The following ZNF354C variants were observed in gnomAD, a reference collection of about 807,000 sequenced individuals.
The protein encoded by ZNF354C is KRAB-zinc finger protein synten.
ZNF354C carries 7 observed loss-of-function variants against 12.4 expected under a neutral mutation model. That is an observed-to-expected ratio of 0.56 (90% CI 0.32 to 1.06). ZNF354C has a LOEUF of 1.06. Ranked by LOEUF, ZNF354C falls within the 50% of genes least tolerant of loss-of-function variation. The pLI, the probability that ZNF354C is intolerant of heterozygous loss-of-function variation, is 0.04. For missense variants in ZNF354C, 609 were observed against 658.0 expected (o/e 0.93, Z 0.81); for synonymous variants, 202 against 224.5 (o/e 0.90, Z 0.90).
rs1352728488 is a variant in ZNF354C at position 179,083,734 on chromosome 5, G to A, written c.*3637G>A. Among the ~76,000 whole-genome samples, 1 of 152,128 alleles carries A rather than the reference G, an allele frequency of 6.6e-6. No homozygotes were observed. Among genetic ancestry groups the A allele is most frequent in the Non-Finnish European group, 1.5e-5 (1 of 68,034 alleles). ...ACTAAGGCATGGAGCAGCTGTCTGG[G>A]GACCCTCAAAAGTAATGATTGATAA... On this transcript the variant is annotated 3_prime_UTR_variant, in exon 5 of 5. Transcript: ENST00000315475.
chr5:179,062,029 C>T lies in ZNF354C; in HGVS notation c.-40C>T, dbSNP rs746774068. On this transcript the variant is annotated 5_prime_UTR_variant, in exon 2 of 5. Transcript: ENST00000315475. Reference sequence around the variant, plus strand: ...TTCCTCTGCAGACCCACCGTGTCCACACTCTGCTCTCCCTGGGCAGGAAGA... The same window carrying T: ...TTCCTCTGCAGACCCACCGTGTCCATACTCTGCTCTCCCTGGGCAGGAAGA... The T allele has an allele frequency of 6.8e-6, 11 of 1,613,562 alleles. No homozygotes were observed. The African/African-American group carries it at 1.3e-4, about 20-fold the overall frequency.
At chr5:179,061,985 G>C in intron 1 of ZNF354C, 30 bp from the exon 2 acceptor site, 1 of 1,485,560 alleles carries the variant, frequency 6.7e-7, no homozygotes, top group South Asian at 1.1e-5. Context: ...CTGACGCCAG[G>C]GTTCCTCTTG....
In ZNF354C at chr5:179,077,038, T is replaced by C. The variant is rs200821108; in HGVS notation, c.155-33T>C. On this transcript the variant is annotated intron_variant, in intron 3 of 4. Coordinates refer to ENST00000315475, the MANE Select transcript of ZNF354C (RefSeq NM_014594.3). ...GTTCTAGGATTGGTCTTCATGCTAT[T>C]TGTTCAAACTTCATTTGCTTCCTCA... 515 of 1,588,848 alleles carry C rather than the reference T, an allele frequency of 3.2e-4. 1 individual carries two copies. The highest frequency in any genetic ancestry group is 4.1e-4 in the Non-Finnish European group (476 of 1,158,132).
chr5:179,082,745 C>G lies in ZNF354C; in HGVS notation c.*2648C>G, dbSNP rs180792023. Reference sequence around the variant, plus strand: ...CCATTGAGTTATCTGGTCCCCTTGGCTGACGAAGAGCCATTAGGCGAGGAT... The same window carrying G: ...CCATTGAGTTATCTGGTCCCCTTGGGTGACGAAGAGCCATTAGGCGAGGAT... On this transcript the variant is annotated 3_prime_UTR_variant, in exon 5 of 5. Coordinates refer to ENST00000315475, the MANE Select transcript of ZNF354C (RefSeq NM_014594.3). 46 of 1,468,654 alleles carry G rather than the reference C, an allele frequency of 3.1e-5. No homozygotes were observed. In the Admixed American group the frequency reaches 5.9e-4, roughly 19 times the overall value. The allele number at this position is 1,468,654 out of a possible 1,614,324, so 91.0% of individuals were successfully genotyped here. A position where few individuals can be genotyped will look rare whatever the true frequency, so the allele number is the denominator to read the frequency against.
chr5:179,062,203 T>G, intron 2 of ZNF354C, 108 bp downstream of exon 2: 1 of 1,432,334 alleles, frequency 7.0e-7, no homozygotes, highest in Non-Finnish European at 9.8e-7. Context: ...ACCAAAACGA[T>G]GAAGAATCCG....
chr5:179,067,895 C>T (rs968000331), intron 2 of ZNF354C, among the ~76,000 whole-genome samples: 1 of 151,878 alleles, frequency 6.6e-6, no homozygotes, highest in Non-Finnish European at 1.5e-5. Context: ...CATAGTGGCT[C>T]ACGCCTGTAA....
rs1213672392 is a variant in ZNF354C, at chr5:179,079,966, T to C, written c.1534T>C (p.Cys512Arg). The change falls in exon 5 of 5, where the codon TGT becomes CGT. Residue 512 changes from cysteine to arginine, a missense_variant. Cys to Arg is a radical substitution (Grantham distance 180, BLOSUM62 -3). Coordinates refer to ENST00000315475, the MANE Select transcript of ZNF354C (RefSeq NM_014594.3). This position sits in a 1 kb window ranked among gnomAD's most constrained non-coding sequence, Gnocchi z 4.2. ...AGCCTACAGTTACAGATCAAACCTT[T>C]GTAGACACAAAAAAGTTCACACGAA... ...GKAYSYRSNLCRHKKVHTKEK... is the reference protein window; with the variant it reads ...GKAYSYRSNLRRHKKVHTKEK... 1 of 1,614,082 alleles carries C rather than the reference T, an allele frequency of 6.2e-7. No homozygotes were observed. Among genetic ancestry groups the C allele is most frequent in the East Asian group, 2.2e-5 (1 of 44,866 alleles).
At position 179,080,300 on chromosome 5, in the gene ZNF354C, T is replaced by TA; in HGVS notation, c.*208dup. On this transcript the variant is annotated 3_prime_UTR_variant, in exon 5 of 5. Transcript: ENST00000315475. ...AAAGAACCATAAATTCTAAGGTATC[T>TA]AAAAACCTATGAGTATTTAATTCAT... is the stretch of plus-strand genomic sequence containing the variant. 2.8e-6 allele frequency: 1 copy of TA among 357,900 alleles called. No homozygotes were observed. Among genetic ancestry groups the TA allele is most frequent in the Non-Finnish European group, 5.0e-6 (1 of 200,598 alleles). 22.2% of individuals were successfully genotyped at this position (357,900 alleles called of 1,614,324 possible).
At position 179,077,109 on chromosome 5, in the gene ZNF354C, C is replaced by T. The variant is rs141816392; in HGVS notation, c.193C>T (p.Gln65Ter). The change falls in exon 4 of 5, where the codon CAG becomes TAG. Residue 65 changes from glutamine (Q) to a stop codon, truncating the protein, a stop_gained. Transcript: ENST00000315475. LOFTEE classifies it high-confidence loss of function. ...FSMPKLIHQL[Q>*]QGEDPCMVER... ...AATGCCAAAGTTGATTCATCAGTTG[C>T]AGCAAGGAGAAGATCCCTGCATGGT... 1,124 of 1,614,038 alleles carry T rather than the reference C, an allele frequency of 7.0e-4. No individual in the cohort carries two copies. The highest frequency in any genetic ancestry group is 9.9e-4 in the Middle Eastern group (6 of 6,084).
At chr5:179,069,592 A>G (rs9986129) in intron 2 of ZNF354C, among the ~76,000 whole-genome samples, 3,314 of 144,240 alleles carry the variant, frequency 0.023, 124 homozygotes, top group African/African-American at 0.079. Flanking sequence ...AAGGCCGGGC[A>G]CGGTGGCTCA....
rs1762203257 is a variant in ZNF354C at position 179,080,065 on chromosome 5, T to G, written c.1633T>G (p.Phe545Val). The G allele has an allele frequency of 1.3e-6, 2 of 1,594,634 alleles. No homozygotes were observed. Among genetic ancestry groups the G allele is most frequent in the Non-Finnish European group, 1.7e-6 (2 of 1,173,636 alleles). Reference protein sequence around the residue: ...CSSSLTQYQRFFKGDKAYEV With the variant: ...CSSSLTQYQRVFKGDKAYEV ...CTCCTCACTTACCCAGTATCAGAGA[T>G]TTTTTAAAGGAGATAAAGCCTATGA... The change falls in exon 5 of 5, where the codon TTT (phenylalanine) becomes GTT (valine). Residue 545 changes from phenylalanine (F) to valine (V), a missense_variant. Transcript: ENST00000315475.
At chr5:179,076,600 C>G in intron 3 of ZNF354C, 29 bp downstream of exon 3, 1 of 1,612,460 alleles carries the variant, frequency 6.2e-7, no homozygotes, top group Non-Finnish European at 8.5e-7. Context: ...GACGAAGAAT[C>G]TGTTATAGGA....
intron 2 of ZNF354C, among the ~76,000 whole-genome samples, chr5:179,075,668 T>C (rs747123447): frequency 4.1e-4 from 62 of 152,266 alleles, no homozygotes; most frequent in Non-Finnish European, 7.5e-4. Flanking sequence ...TATATACAGA[T>C]GTAGAGTTTT....
At chr5:179,065,988 G>A (rs1291970654) in intron 2 of ZNF354C, among the ~76,000 whole-genome samples, 1 of 152,134 alleles carries the variant, frequency 6.6e-6, no homozygotes, top group Non-Finnish European at 1.5e-5. Flanking sequence ...ACGACACTGT[G>A]TAGCCCACAC....
At chr5:179,071,364 C>T (rs1310562849) in intron 2 of ZNF354C, among the ~76,000 whole-genome samples, 1 of 144,830 alleles carries the variant, frequency 6.9e-6, no homozygotes, top group East Asian at 2.2e-4. Context: ...CTTTGCCAGG[C>T]TCATTTTTTT....
At chr5:179,067,446 G>A (rs995049094) in intron 2 of ZNF354C, among the ~76,000 whole-genome samples, 3 of 152,154 alleles carry the variant, frequency 2.0e-5, no homozygotes, top group Non-Finnish European at 4.4e-5. Flanking sequence ...TTCAAAGGAA[G>A]GAAACATAGA....
At chr5:179,070,706 A>G (rs1561749129) in intron 2 of ZNF354C, among the ~76,000 whole-genome samples, 1 of 152,164 alleles carries the variant, frequency 6.6e-6, no homozygotes, top group Non-Finnish European at 1.5e-5. Context: ...CCAGATTCTC[A>G]TCTTGCATTT....
rs554599308 is a variant in ZNF354C, at chr5:179,083,046, A to G, written c.*2949A>G. ...ATCTTGCACACATTCCACTGGCCCT[A>G]CGCAGGGGTGTGATGTTGTAAGCCA... On this transcript the variant is annotated 3_prime_UTR_variant, in exon 5 of 5. Transcript: ENST00000315475. 1.0e-5 allele frequency: 8 copies of G among 780,206 alleles called. No individual in the cohort carries two copies. Among genetic ancestry groups the G allele is most frequent in the East Asian group, 4.9e-5 (2 of 40,578 alleles). The allele number at this position is 780,206 out of a possible 1,614,324, so 48.3% of individuals were successfully genotyped here. A position where few individuals can be genotyped will look rare whatever the true frequency, so the allele number is the denominator to read the frequency against.
chr5:179,069,166 G>T (rs1762002976), intron 2 of ZNF354C, among the ~76,000 whole-genome samples: 1 of 152,164 alleles, frequency 6.6e-6, no homozygotes, highest in Admixed American at 6.5e-5. Context: ...ACTGGTTCAG[G>T]CCGTGACAGG....
Sources: allele counts gnomAD v4.1 joint callset (sites outside exome capture counted in the v4.1 genomes callset), GRCh38; gene constraint gnomAD v4.1.1; non-coding constraint Gnocchi (gnomAD v3.1); transcripts MANE v1.5; gene names NCBI Gene and HGNC (gene_info 2026-07-23, HGNC 2026-07-21).